EYA4: variants seen among roughly 807,000 people sequenced by gnomAD.
EYA4 encodes the protein EYA transcriptional coactivator and phosphatase 4, also known as protein phosphatase EYA4.
EYA4 carries 31 observed loss-of-function variants against 87.9 expected under a neutral mutation model. The ratio of observed to expected loss-of-function variants is 0.35; its 90% CI spans 0.27 to 0.48. The LOEUF is 0.48. EYA4 is among the 20% of genes least tolerant of loss of function. The pLI is 0.99. For missense variants in EYA4, 678 were observed against 761.4 expected, an observed-to-expected ratio of 0.89 and a Z score of 1.29; for synonymous variants, 263 against 270.6, an observed-to-expected ratio of 0.97 and a Z score of 0.28.
At chr6:133,389,693 G>A (rs1787085999) in intron 3 of EYA4, among the ~76,000 whole-genome samples, 1 of 152,118 alleles carries the variant, frequency 6.6e-6, no homozygotes, top group Admixed American at 6.6e-5. Context: ...TTCCTTTCTA[G>A]TGATAAATAA....
chr6:133,510,460 G>A, intron 14 of EYA4: 1 of 351,260 alleles, frequency 2.8e-6, no homozygotes, highest in South Asian at 2.7e-5. Flanking sequence ...CTACTTTGGT[G>A]CCTCCATATT....
At chr6:133,442,086 T>A (rs567345656) in intron 3 of EYA4, among the ~76,000 whole-genome samples, 1 of 152,116 alleles carries the variant, frequency 6.6e-6, no homozygotes, top group Non-Finnish European at 1.5e-5. Context: ...ACTTAATATA[T>A]TCACATTAGT....
intron 3 of EYA4, among the ~76,000 whole-genome samples, chr6:133,399,822 G>A (rs925874073): frequency 2.0e-5 from 3 of 152,144 alleles, no homozygotes; most frequent in Non-Finnish European, 4.4e-5. Context: ...ATTTTGATGG[G>A]AAGGTAATTG....
chr6:133,408,029 A>G (rs953854511), intron 3 of EYA4, among the ~76,000 whole-genome samples: 2 of 152,328 alleles, frequency 1.3e-5, no homozygotes, highest in Admixed American at 1.3e-4. Flanking sequence ...TAACTTTTTC[A>G]TTATGCAAAC....
At chr6:133,259,003 G>T (rs891430116) in intron 1 of EYA4, among the ~76,000 whole-genome samples, 1 of 151,968 alleles carries the variant, frequency 6.6e-6, no homozygotes, top group African/African-American at 2.4e-5. Context: ...TTTTATTTGG[G>T]TATAAATGTG....
At chr6:133,322,383 A>G (rs1435191919) in intron 2 of EYA4, among the ~76,000 whole-genome samples, 1 of 152,172 alleles carries the variant, frequency 6.6e-6, no homozygotes, top group African/African-American at 2.4e-5. Context: ...AGTTATTTTT[A>G]TTGATGTCTG....
intron 2 of EYA4, among the ~76,000 whole-genome samples, chr6:133,304,986 G>A (rs544806425): frequency 6.6e-6 from 1 of 152,258 alleles, no homozygotes; most frequent in Non-Finnish European, 1.5e-5. Flanking sequence ...GCGAGGAAGA[G>A]GGAAGGCTGC....
At chr6:133,296,913 T>C (rs553346625) in intron 2 of EYA4, among the ~76,000 whole-genome samples, 4 of 152,204 alleles carry the variant, frequency 2.6e-5, no homozygotes, top group Admixed American at 1.3e-4. Context: ...ATCTATCAAC[T>C]AGCAAGACAG....
rs1261104356 is a variant in EYA4 at position 133,530,351 on chromosome 6, G to T, written c.*1546G>T. 8.1e-6 allele frequency: 8 copies of T among 985,378 alleles called. No homozygotes were observed. In the African/African-American group the frequency reaches 1.2e-4, roughly 15 times the overall value. The allele number at this position is 985,378 out of a possible 1,614,324, so 61.0% of individuals were successfully genotyped here. The stretch of plus-strand genomic sequence containing the variant: ...GTGTTTGCATGGTTTTTTTCCTTGT[G>T]TGTAGCCCATGTTGGGAACACGATA... On this transcript the variant is annotated 3_prime_UTR_variant, in exon 20 of 20. Coordinates refer to ENST00000355286, the MANE Select transcript of EYA4 (RefSeq NM_004100.5).
At chr6:133,352,323 C>T (rs1353826049) in intron 2 of EYA4, among the ~76,000 whole-genome samples, 1 of 151,964 alleles carries the variant, frequency 6.6e-6, no homozygotes, top group Non-Finnish European at 1.5e-5. Context: ...TAGATTTGAC[C>T]AGTAATATCT....
At chr6:133,394,548 A>G (rs375682674) in intron 3 of EYA4, among the ~76,000 whole-genome samples, 1 of 151,684 alleles carries the variant, frequency 6.6e-6, no homozygotes, top group East Asian at 1.9e-4. Context: ...ACCCATACAG[A>G]CATATTTGAG....
Position 133,531,094 on chromosome 6 carries a change from G to T in EYA4, c.*2289G>T. ...TCAAACAAGCAAGGCTTTTTATGCT[G>T]CTAAGTCTGTGGGTGCAGAAAGAAA... On this transcript the variant is annotated 3_prime_UTR_variant, in exon 20 of 20. Transcript: ENST00000355286. The T allele has an allele frequency of 6.9e-7, 1 of 1,459,764 alleles. No homozygotes were observed. Among genetic ancestry groups the T allele is most frequent in the South Asian group, 1.4e-5 (1 of 71,688 alleles). The allele number at this position is 1,459,764 out of a possible 1,614,324, so 90.4% of individuals were successfully genotyped here.
chr6:133,405,798 G>A (rs1788652295), intron 3 of EYA4, among the ~76,000 whole-genome samples: 1 of 152,056 alleles, frequency 6.6e-6, no homozygotes, highest in Non-Finnish European at 1.5e-5. Context: ...GGGGAAGGGG[G>A]TGACAATTTT....
At chr6:133,357,393 A>G (rs1784150894) in intron 2 of EYA4, among the ~76,000 whole-genome samples, 1 of 152,202 alleles carries the variant, frequency 6.6e-6, no homozygotes, top group Non-Finnish European at 1.5e-5. Flanking sequence ...ATTCTCACAA[A>G]ATGTATTTTG....
chr6:133,386,460 AT>A (rs1230112491), intron 3 of EYA4, among the ~76,000 whole-genome samples: 1 of 152,124 alleles, frequency 6.6e-6, no homozygotes, highest in Non-Finnish European at 1.5e-5. Flanking sequence ...CTTTACAAAT[AT>A]CTTAGGGTGT....
intron 3 of EYA4, among the ~76,000 whole-genome samples, chr6:133,420,101 G>A (rs1209308264): frequency 6.6e-6 from 1 of 151,908 alleles, no homozygotes; most frequent in Non-Finnish European, 1.5e-5. Context: ...AAATCTCTAA[G>A]GAGATCTGTA....
intron 2 of EYA4, among the ~76,000 whole-genome samples, chr6:133,335,487 T>C (rs569098784): frequency 2.0e-5 from 3 of 152,330 alleles, no homozygotes; most frequent in Non-Finnish European, 4.4e-5. Flanking sequence ...CTTGCCCTCA[T>C]GTTGCTTGCA....
chr6:133,318,415 G>A lies in EYA4; in HGVS notation c.33+43602G>A, dbSNP rs1025438916. 7.2e-5 allele frequency among the ~76,000 whole-genome samples: 11 copies of A among 152,140 alleles called. No individual in the cohort carries two copies. The South Asian group carries it at 8.3e-4, about 11-fold the overall frequency. On this transcript the variant is annotated intron_variant, in intron 2 of 19. Transcript: ENST00000355286. ...TGAACTGTTAAAACTGTGATTTGCC[G>A]GTGGAGGTAAACAAAAACCAAAGAC... is the stretch of plus-strand genomic sequence containing the variant.
intron 7 of EYA4, among the ~76,000 whole-genome samples, chr6:133,461,853 T>A (rs1296218215): frequency 6.6e-6 from 1 of 151,868 alleles, no homozygotes; most frequent in East Asian, 1.9e-4. Context: ...CCTTTCTTTT[T>A]CTTTTTTTAA....
Sources: gnomAD v4.1 joint callset for allele counts (sites outside exome capture counted in the v4.1 genomes callset) on GRCh38, gnomAD v4.1.1 for gene constraint, MANE v1.5 for transcripts, NCBI Gene and HGNC (gene_info 2026-07-23, HGNC 2026-07-21) for gene names.